MBNL2: variants seen among roughly 807,000 people sequenced by gnomAD.
The protein encoded by MBNL2 is muscleblind-like protein 2.
In MBNL2, 17 loss-of-function variants were observed where a neutral mutation model predicts 41.9. That is an observed-to-expected ratio of 0.41 (90% CI 0.28 to 0.61). The LOEUF is 0.61. Ranked by LOEUF, MBNL2 falls within the 20% of genes least tolerant of loss-of-function variation. MBNL2 has a pLI of 0.35. For missense variants in MBNL2, 336 were observed against 505.6 expected (o/e 0.66, Z 3.22); for synonymous variants, 195 against 182.9 (o/e 1.07, Z -0.53).
intron 8 of MBNL2, among the ~76,000 whole-genome samples, chr13:97,380,920 C>CA (rs1682625577): frequency 6.6e-6 from 1 of 152,116 alleles, no homozygotes; most frequent in African/African-American, 2.4e-5. Context: ...CAGCGTGATA[C>CA]AAGCCAAGTG....
intron 5 of MBNL2, among the ~76,000 whole-genome samples, chr13:97,351,759 C>T (rs934152124): frequency 6.6e-6 from 1 of 152,148 alleles, no homozygotes; most frequent in Admixed American, 6.5e-5. Flanking sequence ...CGTGGTAGCT[C>T]ATGCCTATAA....
chr13:97,283,768 T>G (rs11069258), intron 2 of MBNL2, among the ~76,000 whole-genome samples: 11,392 of 151,762 alleles, frequency 0.075, 1,230 homozygotes, highest in African/African-American at 0.23. Flanking sequence ...GAGTCAAGAG[T>G]AGCACCAAAT....
Position 97,253,521 on chromosome 13 carries a change from G to A in MBNL2, c.-604-22111G>A, listed in dbSNP as rs2152848261. Among the ~76,000 whole-genome samples the A allele has an allele frequency of 2.0e-5, 3 of 152,292 alleles. No homozygotes were observed. The South Asian group carries it at 6.2e-4, about 32-fold the overall frequency. The stretch of plus-strand genomic sequence containing the variant: ...AGATAGACACACCTGTGGCAGGTGA[G>A]TAAAAACAAATATCACTTGTGGATC... On this transcript the variant is annotated intron_variant, in intron 1 of 8. Coordinates refer to ENST00000679496, the MANE Select transcript of MBNL2 (RefSeq NM_001382683.1).
At chr13:97,285,723 G>GT (rs2054292768) in intron 2 of MBNL2, among the ~76,000 whole-genome samples, 1 of 151,308 alleles carries the variant, frequency 6.6e-6, no homozygotes, top group African/African-American at 2.5e-5. Flanking sequence ...AGCATACATT[G>GT]TTTCTTCCAT....
chr13:97,162,399 A>G, the MBNL2 span, among the ~76,000 whole-genome samples: 54 of 152,312 alleles, frequency 3.5e-4, no homozygotes, highest in African/African-American at 1.3e-3. Context: ...TGTTAGGTCC[A>G]TGAGTTGGGG....
intron 8 of MBNL2, among the ~76,000 whole-genome samples, chr13:97,377,328 C>A (rs7987394): frequency 6.6e-6 from 1 of 152,134 alleles, no homozygotes; most frequent in African/African-American, 2.4e-5. Flanking sequence ...GTTAACTGAC[C>A]TTAGTCAAGT....
chr13:97,222,596 T>C (rs1050151205), intron 1 of MBNL2, 65 bp downstream of exon 1: 2 of 396,074 alleles, frequency 5.0e-6, no homozygotes, highest in Non-Finnish European at 8.9e-6. Flanking sequence ...GCATTCCATG[T>C]GTGCTGCTTA....
chr13:97,368,423 T>TAAAATAA (rs1378921736), intron 8 of MBNL2, among the ~76,000 whole-genome samples: 2 of 151,714 alleles, frequency 1.3e-5, no homozygotes, highest in East Asian at 3.9e-4. Flanking sequence ...TAAAATAAAA[T>TAAAATAA]AAAATAAAAT....
intron 8 of MBNL2, among the ~76,000 whole-genome samples, chr13:97,367,947 G>T (rs1454942042): frequency 6.6e-6 from 1 of 152,108 alleles, no homozygotes; most frequent in Non-Finnish European, 1.5e-5. Context: ...ATGGGAGAAG[G>T]GAGTGAGACT....
chr13:97,307,267 A>G lies in MBNL2; in HGVS notation c.175-27009A>G, dbSNP rs528822985. Reference sequence around the variant, plus strand: ...TTTCTTGGTGGACACAAGTTTAGTGATACTTGTAGAGGCCAACTTTGCCTT... The same window carrying G: ...TTTCTTGGTGGACACAAGTTTAGTGGTACTTGTAGAGGCCAACTTTGCCTT... On this transcript the variant is annotated intron_variant, in intron 2 of 8. Coordinates refer to ENST00000679496, the MANE Select transcript of MBNL2 (RefSeq NM_001382683.1). 1.2e-4 allele frequency among the ~76,000 whole-genome samples: 19 copies of G among 152,274 alleles called. No individual in the cohort carries two copies. In the East Asian group the frequency reaches 3.7e-3, roughly 29 times the overall value.
At chr13:97,292,038 A>G (rs1176093099) in intron 2 of MBNL2, among the ~76,000 whole-genome samples, 1 of 151,524 alleles carries the variant, frequency 6.6e-6, no homozygotes, top group South Asian at 2.1e-4. Context: ...TCTCTACTAA[A>G]AAATACAAAA....
At chr13:97,178,989 A>G in the MBNL2 span, among the ~76,000 whole-genome samples, 2 of 152,256 alleles carry the variant, frequency 1.3e-5, no homozygotes, top group South Asian at 4.1e-4. Context: ...TGGGAATTAT[A>G]CATATTCTTA....
the MBNL2 span, among the ~76,000 whole-genome samples, chr13:97,192,291 C>T: frequency 8.5e-4 from 130 of 152,312 alleles, 1 homozygote; most frequent in African/African-American, 3.0e-3. Flanking sequence ...CCCACCCCTA[C>T]GTTTCTGTGT....
Position 97,385,953 on chromosome 13 carries a change from C to T in MBNL2, c.1049-5369C>T, listed in dbSNP as rs577720141. ...TCACCCTGTTCAGCTCTTTTTTGAG[C>T]GCACATCATGAGTGACAGGTATGGA... On this transcript the variant is annotated intron_variant, in intron 8 of 8. Transcript: ENST00000679496. 5.3e-5 allele frequency among the ~76,000 whole-genome samples: 8 copies of T among 152,238 alleles called. 1 individual carries two copies. The highest frequency in any genetic ancestry group is 1.9e-4 in the East Asian group (1 of 5,174).
At chr13:97,329,551 G>A (rs1278664200) in intron 2 of MBNL2, among the ~76,000 whole-genome samples, 1 of 87,044 alleles carries the variant, frequency 1.1e-5, no homozygotes, top group African/African-American at 4.3e-5. Context: ...CTGCGTGCCT[G>A]CCCCTAGATG....
At chr13:97,240,154 G>A (rs571736596) in intron 1 of MBNL2, among the ~76,000 whole-genome samples, 1 of 152,166 alleles carries the variant, frequency 6.6e-6, no homozygotes, top group Non-Finnish European at 1.5e-5. Context: ...CGGGGAGTCT[G>A]AGGTGGGGCC....
intron 2 of MBNL2, among the ~76,000 whole-genome samples, chr13:97,294,237 A>T (rs1173782254): frequency 6.6e-6 from 1 of 152,088 alleles, no homozygotes; most frequent in African/African-American, 2.4e-5. Context: ...ACTGTTTCCA[A>T]AACCCCTCAC....
intron 2 of MBNL2, among the ~76,000 whole-genome samples, chr13:97,331,230 G>A (rs1224116178): frequency 6.6e-6 from 1 of 152,160 alleles, no homozygotes; most frequent in Non-Finnish European, 1.5e-5. Flanking sequence ...CCTTATGCAT[G>A]TGTTAACTCA....
chr13:97,233,542 T>G lies in MBNL2; in HGVS notation c.-605+11011T>G, dbSNP rs2042770693. ...GTTCTAGTCACACCTGAGTCTTAGC[T>G]GGTGGAAGGAACTATTTATTTTCCC... On this transcript the variant is annotated intron_variant, in intron 1 of 8. Coordinates refer to ENST00000679496, the MANE Select transcript of MBNL2 (RefSeq NM_001382683.1). Among the ~76,000 whole-genome samples the G allele has an allele frequency of 2.6e-5, 4 of 151,856 alleles. 1 individual carries two copies. The South Asian group carries it at 8.3e-4, about 32-fold the overall frequency.
Sources: allele counts gnomAD v4.1 joint callset (sites outside exome capture counted in the v4.1 genomes callset), GRCh38; gene constraint gnomAD v4.1.1; transcripts MANE v1.5; gene names NCBI Gene and HGNC (gene_info 2026-07-23, HGNC 2026-07-21).